Variants in TIAM2 observed in about 807,000 individuals in gnomAD.
TIAM2 encodes rho guanine nucleotide exchange factor TIAM2.
Under a neutral mutation model 152.9 loss-of-function variants are expected in TIAM2, and 80 were observed. That is an observed-to-expected ratio of 0.52 (90% CI 0.44 to 0.63). The LOEUF is 0.63. Ranked by LOEUF, TIAM2 falls within the 30% of genes least tolerant of loss-of-function variation. The probability of loss-of-function intolerance (pLI) is 0.00; values close to 1 mark genes in which losing one functional copy is unlikely to be tolerated. For synonymous variants in TIAM2, 804 were observed against 838.0 expected (o/e 0.96, Z 0.70); for missense variants, 1,965 against 2,120.1 (o/e 0.93, Z 1.44).
At chr6:155,068,357 AT>A (rs1777752385) in intron 1 of TIAM2, among the ~76,000 whole-genome samples, 1 of 152,128 alleles carries the variant, frequency 6.6e-6, no homozygotes, top group African/African-American at 2.4e-5. Flanking sequence ...ATCAATCTCT[AT>A]AGATGAAAAG....
chr6:155,180,215 G>A (rs1356798530), intron 12 of TIAM2, among the ~76,000 whole-genome samples: 1 of 152,210 alleles, frequency 6.6e-6, no homozygotes, highest in Non-Finnish European at 1.5e-5. Context: ...GGAGGCAGAG[G>A]TTGCAGTGAG....
At chr6:155,000,004 G>A (rs1778287520) in intron 1 of TIAM2, among the ~76,000 whole-genome samples, 1 of 152,236 alleles carries the variant, frequency 6.6e-6, no homozygotes, top group African/African-American at 2.4e-5. Flanking sequence ...TCTTAGAGTT[G>A]TTACAAAGAT....
rs374856774 is a variant in TIAM2 at position 155,176,971 on chromosome 6, A to C, written c.2517A>C (p.Ala839=). The change falls in exon 10 of 27, where the codon GCA becomes GCC. Residue 839 remains alanine, a synonymous_variant. Transcript: ENST00000682666. ...GAGTAGAAGATATTTTGACTTTGGC[A>C]TGCAAGGTAACGGATTTTGCTGCAG... ...EHRVEDILTL[A]CKMRQLEPSH... The C allele has an allele frequency of 1.2e-6, 2 of 1,607,048 alleles. No individual in the cohort carries two copies. Among genetic ancestry groups the C allele is most frequent in the Non-Finnish European group, 1.7e-6 (2 of 1,177,666 alleles).
intron 15 of TIAM2, among the ~76,000 whole-genome samples, chr6:155,226,487 T>C (rs542482724): frequency 6.6e-6 from 1 of 152,216 alleles, no homozygotes; most frequent in African/African-American, 2.4e-5. Flanking sequence ...CTGACCAACA[T>C]GGTGAAACCC....
At chr6:155,203,479 C>T (rs984672546) in intron 14 of TIAM2, among the ~76,000 whole-genome samples, 12 of 152,140 alleles carry the variant, frequency 7.9e-5, no homozygotes, top group African/African-American at 2.2e-4. Flanking sequence ...AAATAAAGTA[C>T]GTTATTTTTT....
At chr6:155,159,297 A>G (rs1473052584) in intron 7 of TIAM2, among the ~76,000 whole-genome samples, 2 of 152,218 alleles carry the variant, frequency 1.3e-5, no homozygotes, top group African/African-American at 4.8e-5. Context: ...ATGGGCAGAC[A>G]TAAAGTGGAC....
At chr6:155,119,395 A>G (rs1433923291) in intron 2 of TIAM2, among the ~76,000 whole-genome samples, 1 of 151,670 alleles carries the variant, frequency 6.6e-6, no homozygotes, top group Non-Finnish European at 1.5e-5. Context: ...GCTGGAGCGC[A>G]GTGATGCAAT....
intron 2 of TIAM2, among the ~76,000 whole-genome samples, chr6:155,092,135 G>A (rs1778320479): frequency 2.0e-5 from 3 of 150,364 alleles, no homozygotes; most frequent in African/African-American, 4.9e-5. Context: ...CTGGCCTCAA[G>A]TGATCCGCCT....
chr6:155,082,441 G>A (rs1421892998), intron 1 of TIAM2, among the ~76,000 whole-genome samples: 2 of 151,900 alleles, frequency 1.3e-5, no homozygotes, highest in African/African-American at 2.4e-5. Flanking sequence ...ACCTGAGGTC[G>A]GGAGTTCAAG....
At chr6:155,107,951 G>A (rs9397779) in intron 2 of TIAM2, among the ~76,000 whole-genome samples, 27,036 of 152,140 alleles carry the variant, frequency 0.18, 3,220 homozygotes, top group South Asian at 0.43. Context: ...CATGTAATTC[G>A]CAGAAAATTG....
chr6:155,039,916 A>G (rs2114904733), intron 1 of TIAM2, among the ~76,000 whole-genome samples: 1 of 152,346 alleles, frequency 6.6e-6, no homozygotes, highest in South Asian at 2.1e-4. Context: ...CTAGGCACGG[A>G]AAATGGTTTA....
In TIAM2 at chr6:155,257,262, T is replaced by A; in HGVS notation, c.*141T>A. On this transcript the variant is annotated 3_prime_UTR_variant, in exon 27 of 27. Transcript: ENST00000682666. The stretch of plus-strand genomic sequence containing the variant: ...TATACATTTTCCCACAAAATGGTTG[T>A]AAAGATTTAAGTTATTTTAATTTAT... 2 of 942,654 alleles carry A rather than the reference T, an allele frequency of 2.1e-6. No homozygotes were observed. Among genetic ancestry groups the A allele is most frequent in the Non-Finnish European group, 3.1e-6 (2 of 649,758 alleles). The allele number at this position is 942,654 out of a possible 1,614,324, so 58.4% of individuals were successfully genotyped here.
chr6:155,000,441 G>A (rs1333379859), intron 1 of TIAM2, among the ~76,000 whole-genome samples: 1 of 144,238 alleles, frequency 6.9e-6, no homozygotes, highest in Admixed American at 7.4e-5. Context: ...TGAAGCAGGA[G>A]AATCACTTGA....
chr6:155,127,630 C>T (rs1450208780), intron 3 of TIAM2, 30 bp downstream of exon 3: 16 of 455,730 alleles, frequency 3.5e-5, no homozygotes, highest in Admixed American at 2.1e-4. Context: ...CTGGGGGTCA[C>T]GTCAAGTTGC....
At chr6:155,121,604 A>G (rs892682251) in intron 2 of TIAM2, among the ~76,000 whole-genome samples, 1 of 152,086 alleles carries the variant, frequency 6.6e-6, no homozygotes, top group African/African-American at 2.4e-5. Context: ...CTCCCCAAAT[A>G]AAGAAAACCA....
chr6:155,115,253 C>T (rs1006609758), intron 2 of TIAM2, among the ~76,000 whole-genome samples: 2 of 151,304 alleles, frequency 1.3e-5, no homozygotes, highest in African/African-American at 2.4e-5. Flanking sequence ...AAAGAGACAA[C>T]ATCTTACTGT....
intron 1 of TIAM2, among the ~76,000 whole-genome samples, chr6:155,012,700 G>A (rs986479962): frequency 4.6e-5 from 7 of 152,118 alleles, no homozygotes; most frequent in South Asian, 2.1e-4. Context: ...ACAGGCTCCC[G>A]CCACCATGCC....
At chr6:155,095,416 T>C (rs1395672886) in intron 2 of TIAM2, among the ~76,000 whole-genome samples, 1 of 152,186 alleles carries the variant, frequency 6.6e-6, no homozygotes, top group Non-Finnish European at 1.5e-5. Context: ...TTCAGTTTTT[T>C]GTAGGGTGGT....
chr6:155,161,409 T>C (rs1405525304), intron 7 of TIAM2, among the ~76,000 whole-genome samples: 1 of 151,990 alleles, frequency 6.6e-6, no homozygotes, highest in Non-Finnish European at 1.5e-5. Flanking sequence ...CAAACTGTCT[T>C]TACCTCTCAG....
Sources: gnomAD v4.1 joint callset for allele counts (sites outside exome capture counted in the v4.1 genomes callset) on GRCh38, gnomAD v4.1.1 for gene constraint, MANE v1.5 for transcripts, NCBI Gene and HGNC (gene_info 2026-07-23, HGNC 2026-07-21) for gene names.